The following MAST3 variants were observed in gnomAD, a reference collection of about 807,000 sequenced individuals.
MAST3 encodes the protein microtubule associated serine/threonine kinase 3.
Under a neutral mutation model 127.0 loss-of-function variants are expected in MAST3, and 43 were observed. That is an observed-to-expected ratio of 0.34 (90% CI 0.27 to 0.44). The LOEUF is 0.44. MAST3 is among the 20% of genes least tolerant of loss of function. MAST3 has a pLI of 1.00. For missense variants in MAST3, 1,390 were observed against 1,919.1 expected (o/e 0.72, Z 5.15); for synonymous variants, 785 against 809.2 (o/e 0.97, Z 0.51).
chr19:18,120,623 G>A (rs1599733417), intron 3 of MAST3, among the ~76,000 whole-genome samples: 2 of 152,228 alleles, frequency 1.3e-5, no homozygotes, highest in Admixed American at 6.5e-5. Flanking sequence ...TGCAACCTCC[G>A]CCTCCTGGGT....
chr19:18,132,220 C>T (rs1273258445), intron 15 of MAST3, among the ~76,000 whole-genome samples, 173 bp downstream of exon 15: 4 of 152,166 alleles, frequency 2.6e-5, no homozygotes, highest in African/African-American at 9.7e-5. Flanking sequence ...GGAATGAGCG[C>T]ATGGTGAACA....
chr19:18,115,628 C>T (rs1286937217), intron 3 of MAST3, among the ~76,000 whole-genome samples: 1 of 152,088 alleles, frequency 6.6e-6, no homozygotes, highest in Non-Finnish European at 1.5e-5. Flanking sequence ...CTCCCCTGGT[C>T]TCAAAACAAG....
intron 3 of MAST3, among the ~76,000 whole-genome samples, chr19:18,114,755 T>C (rs2039029118): frequency 1.3e-5 from 2 of 152,102 alleles, no homozygotes; most frequent in Non-Finnish European, 1.5e-5. Context: ...TGGGCGCTCA[T>C]AGGCAAAGTG....
chr19:18,115,717 C>G (rs563975953), intron 3 of MAST3, among the ~76,000 whole-genome samples: 41 of 152,314 alleles, frequency 2.7e-4, no homozygotes, highest in African/African-American at 9.6e-4. Flanking sequence ...TGGCCTCCTG[C>G]TACCTTCATT....
At chr19:18,107,723 A>G in intron 2 of MAST3, 105 bp downstream of exon 2, 1 of 1,192,192 alleles carries the variant, frequency 8.4e-7, no homozygotes, top group Non-Finnish European at 1.2e-6. Context: ...AATTACAGCA[A>G]CACATCTCAT....
At chr19:18,127,411 T>C (rs2040777584) in intron 11 of MAST3, among the ~76,000 whole-genome samples, 1 of 151,708 alleles carries the variant, frequency 6.6e-6, no homozygotes, top group African/African-American at 2.4e-5. Context: ...AGGCTGGGCG[T>C]AGTGGCTTAT....
chr19:18,109,442 T>C (rs1364801945), intron 2 of MAST3, among the ~76,000 whole-genome samples: 1 of 152,086 alleles, frequency 6.6e-6, no homozygotes, highest in Non-Finnish European at 1.5e-5. Flanking sequence ...CAATGAGGAC[T>C]GCCGAGGGCA....
chr19:18,099,000 G>T (rs1448946030), intron 1 of MAST3: 2 of 323,172 alleles, frequency 6.2e-6, no homozygotes, highest in Admixed American at 3.8e-5. Flanking sequence ...GCGAGGCATT[G>T]CAGCGGGGGG....
In MAST3 at chr19:18,149,868, G is replaced by A. The variant is rs1251733557; in HGVS notation, c.*142G>A. On this transcript the variant is annotated 3_prime_UTR_variant, in exon 28 of 28. Coordinates refer to ENST00000687212, the MANE Select transcript of MAST3 (RefSeq NM_001393504.1). This position sits in a 1 kb window ranked among gnomAD's most constrained non-coding sequence, Gnocchi z 5.9. ...AAGCCATCTCGGTCCTTGCTGGAAG[G>A]TGGAGACATCGCTTGTGTTCTGGTG... 4.9e-6 allele frequency: 6 copies of A among 1,214,470 alleles called. No individual in the cohort carries two copies. Among genetic ancestry groups the A allele is most frequent in the African/African-American group, 1.7e-5 (1 of 59,846 alleles). 75.2% of individuals were successfully genotyped at this position (1,214,470 alleles called of 1,614,324 possible). A position where few individuals can be genotyped will look rare whatever the true frequency, so the allele number is the denominator to read the frequency against.
At chr19:18,137,487 C>T (rs1322977318) in intron 19 of MAST3, 126 bp downstream of exon 19, 9 of 1,079,330 alleles carry the variant, frequency 8.3e-6, no homozygotes, top group Middle Eastern at 2.2e-4. Flanking sequence ...CTGGAGCTTC[C>T]GACTTCCTGA....
At chr19:18,109,117 C>T (rs758990041) in intron 2 of MAST3, among the ~76,000 whole-genome samples, 1 of 152,092 alleles carries the variant, frequency 6.6e-6, no homozygotes, top group Non-Finnish European at 1.5e-5. Context: ...TTCCAAGCAG[C>T]AGGAACAGCT....
intron 11 of MAST3, among the ~76,000 whole-genome samples, chr19:18,128,114 G>GA (rs2040863353): frequency 6.6e-6 from 1 of 152,166 alleles, no homozygotes; most frequent in South Asian, 2.1e-4. Flanking sequence ...ACACCCAGGG[G>GA]GCCTGTGTCT....
rs2040906444 is a variant in MAST3 at position 18,128,474 on chromosome 19, TG to T, written c.1137+21del. 6.4e-7 allele frequency: 1 copy of T among 1,551,872 alleles called. No individual in the cohort carries two copies. On this transcript the variant is annotated intron_variant, in intron 12 of 27. Transcript: ENST00000687212. ...GTCCCCAGAGGTGAGTAGCAGAGGCTGGGGGACCCCCGCTCATCTTGTTCTT... is the reference window on the plus strand; with the variant it reads ...GTCCCCAGAGGTGAGTAGCAGAGGCTGGGGACCCCCGCTCATCTTGTTCTT...
chr19:18,129,199 G>C, intron 13 of MAST3: 1 of 537,480 alleles, frequency 1.9e-6, no homozygotes, highest in Middle Eastern at 5.1e-4. Flanking sequence ...CTAGGGGCTT[G>C]GGGGCTGATC....
At chr19:18,100,845 G>GAGGCCAA (rs1224578033) in intron 1 of MAST3, among the ~76,000 whole-genome samples, 1 of 152,202 alleles carries the variant, frequency 6.6e-6, no homozygotes, top group Non-Finnish European at 1.5e-5. Context: ...AGATTTCCTG[G>GAGGCCAA]AGGCCAAAGG....
Position 18,145,484 on chromosome 19 carries a change from C to A in MAST3, c.3039+255C>A, listed in dbSNP as rs2042931318. Reference sequence around the variant, plus strand: ...TATGGGGACGCACTGGGCATGTTATCCTCCCTCTCCCAGCCCAAGGGCGTC... The same window carrying A: ...TATGGGGACGCACTGGGCATGTTATACTCCCTCTCCCAGCCCAAGGGCGTC... On this transcript the variant is annotated intron_variant, in intron 24 of 27. Coordinates refer to ENST00000687212, the MANE Select transcript of MAST3 (RefSeq NM_001393504.1). This position sits in a 1 kb window ranked among gnomAD's most constrained non-coding sequence, Gnocchi z 5.9. 1.3e-5 allele frequency among the ~76,000 whole-genome samples: 2 copies of A among 152,194 alleles called. No homozygotes were observed. The highest frequency in any genetic ancestry group is 4.1e-4 in the South Asian group (2 of 4,836).
rs1320626099 is a variant in MAST3, at chr19:18,144,876, TG to T, written c.2813-123del. 3 of 854,222 alleles carry T rather than the reference TG, an allele frequency of 3.5e-6. No homozygotes were observed. The highest frequency in any genetic ancestry group is 3.3e-5 in the African/African-American group (2 of 59,976). 52.9% of individuals were successfully genotyped at this position (854,222 alleles called of 1,614,324 possible). ...GGGCACTGCACGTGCAAAGGCCTGG[TG>T]GGGTGACCATGCTTGGGACATTGAA... On this transcript the variant is annotated intron_variant, in intron 23 of 27. Transcript: ENST00000687212. The surrounding 1 kb of genome is among the most constrained non-coding windows in gnomAD (Gnocchi z 4.0).
At chr19:18,132,442 CACAGA>C (rs1285501596) in intron 15 of MAST3, among the ~76,000 whole-genome samples, 1 of 152,186 alleles carries the variant, frequency 6.6e-6, no homozygotes, top group Non-Finnish European at 1.5e-5. Flanking sequence ...CAACTACACA[CACAGA>C]ACAGGATTAT....
rs554169411 is a variant in MAST3 at position 18,141,222 on chromosome 19, C to T, written c.2206-660C>T. Among the ~76,000 whole-genome samples, 42 of 152,182 alleles carry T rather than the reference C, an allele frequency of 2.8e-4. 1 individual carries two copies. Among genetic ancestry groups the T allele is most frequent in the African/African-American group, 9.4e-4 (39 of 41,520 alleles). ...AGGACTTTCTAGTCAACAGCAAAAA[C>T]GCAGCTTGGTAGCCTGGCCCCTGAG... On this transcript the variant is annotated intron_variant, in intron 20 of 27. Transcript: ENST00000687212.
Sources: gnomAD v4.1 joint callset for allele counts (sites outside exome capture counted in the v4.1 genomes callset) on GRCh38, gnomAD v4.1.1 for gene constraint, Gnocchi (gnomAD v3.1) non-coding constraint, MANE v1.5 for transcripts, NCBI Gene and HGNC (gene_info 2026-07-23, HGNC 2026-07-21) for gene names.